TRDN: variants seen among roughly 807,000 people sequenced by gnomAD.
TRDN encodes the protein triadin in skeletal muscle.
A neutral mutation model predicts 149.7 loss-of-function variants in TRDN; 161 were observed. That is an observed-to-expected ratio of 1.08 (90% CI 0.95 to 1.23). The LOEUF is 1.23. TRDN is among the 50% of genes most tolerant of loss of function. TRDN has a pLI of 0.00. For missense variants in TRDN, 896 were observed against 823.5 expected (o/e 1.09, Z -1.08); for synonymous variants, 294 against 250.5 (o/e 1.17, Z -1.64).
chr6:123,247,122 T>A (rs1300736337), intron 38 of TRDN, among the ~76,000 whole-genome samples: 1 of 152,156 alleles, frequency 6.6e-6, no homozygotes, highest in Non-Finnish European at 1.5e-5. Flanking sequence ...AAGAGCTATT[T>A]ATGACAAACC....
intron 24 of TRDN, among the ~76,000 whole-genome samples, chr6:123,299,678 C>G (rs372777378): frequency 3.3e-5 from 5 of 151,808 alleles, no homozygotes; most frequent in African/African-American, 1.2e-4. Context: ...TCATGATAGA[C>G]TTGAGAAAAT....
At chr6:123,227,987 C>T (rs1318972196) in intron 38 of TRDN, among the ~76,000 whole-genome samples, 1 of 150,056 alleles carries the variant, frequency 6.7e-6, no homozygotes, top group African/African-American at 2.4e-5. Context: ...AAATTTATCC[C>T]ATGAATAGTA....
chr6:123,585,023 C>T (rs1199105604), intron 1 of TRDN, among the ~76,000 whole-genome samples: 1 of 151,662 alleles, frequency 6.6e-6, no homozygotes, highest in Non-Finnish European at 1.5e-5. Flanking sequence ...TCAAAGCATG[C>T]TGTGGGATGG....
At chr6:123,225,048 C>T (rs1401462393) in intron 38 of TRDN, among the ~76,000 whole-genome samples, 1 of 151,504 alleles carries the variant, frequency 6.6e-6, no homozygotes, top group African/African-American at 2.4e-5. Flanking sequence ...TGATACAACT[C>T]AATAACAAAA....
chr6:123,362,050 G>A (rs1484166398), intron 20 of TRDN, among the ~76,000 whole-genome samples: 1 of 151,984 alleles, frequency 6.6e-6, no homozygotes, highest in African/African-American at 2.4e-5. Flanking sequence ...AAAGTCTTTA[G>A]CTTTTCTTTT....
intron 2 of TRDN, among the ~76,000 whole-genome samples, chr6:123,567,798 C>T (rs1241557093): frequency 6.6e-6 from 1 of 152,112 alleles, no homozygotes; most frequent in Non-Finnish European, 1.5e-5. Context: ...CTGGGGATTA[C>T]AATTTGACAT....
chr6:123,353,457 T>C (rs960754753), intron 20 of TRDN, among the ~76,000 whole-genome samples: 4 of 151,902 alleles, frequency 2.6e-5, no homozygotes, highest in Non-Finnish European at 5.9e-5. Flanking sequence ...ATATACAGTA[T>C]CATCTCTAAA....
intron 5 of TRDN, among the ~76,000 whole-genome samples, chr6:123,522,440 G>T (rs927291248): frequency 6.6e-6 from 1 of 151,238 alleles, no homozygotes. Context: ...AACTACATGG[G>T]GGGGGAAAGC....
intron 8 of TRDN, chr6:123,502,353 T>C (rs1316356567): frequency 3.2e-5 from 24 of 738,682 alleles, no homozygotes; most frequent in Admixed American, 6.3e-5. Flanking sequence ...TTCATGGTGA[T>C]ATAATCACCT....
At chr6:123,359,558 C>T (rs1452235780) in intron 20 of TRDN, among the ~76,000 whole-genome samples, 7 of 151,932 alleles carry the variant, frequency 4.6e-5, no homozygotes, top group Non-Finnish European at 8.8e-5. Context: ...TGGTAGAAGA[C>T]AATGAAGGCT....
intron 9 of TRDN, among the ~76,000 whole-genome samples, chr6:123,472,795 G>A (rs919912271): frequency 1.2e-4 from 18 of 152,150 alleles, no homozygotes; most frequent in African/African-American, 3.6e-4. Flanking sequence ...CCTGACCCCC[G>A]AGCAGCCTAA....
chr6:123,489,175 A>G (rs1160971317), intron 9 of TRDN, among the ~76,000 whole-genome samples: 3 of 152,126 alleles, frequency 2.0e-5, no homozygotes, highest in African/African-American at 7.2e-5. Context: ...GGTCTTTCAC[A>G]CTACGAGTAC....
chr6:123,607,122 T>C (rs1239289418), intron 1 of TRDN, among the ~76,000 whole-genome samples: 1 of 152,208 alleles, frequency 6.6e-6, no homozygotes, highest in East Asian at 1.9e-4. Context: ...CTGAATTCAA[T>C]TACAGTACTG....
chr6:123,494,982 C>A (rs1455347986), intron 9 of TRDN, among the ~76,000 whole-genome samples: 1 of 151,964 alleles, frequency 6.6e-6, no homozygotes, highest in East Asian at 2.0e-4. Flanking sequence ...GATCCGCCCG[C>A]CTCAGCCTCC....
At chr6:123,454,731 T>C (rs1236559739) in intron 10 of TRDN, among the ~76,000 whole-genome samples, 2 of 152,208 alleles carry the variant, frequency 1.3e-5, no homozygotes, top group African/African-American at 4.8e-5. Context: ...TAGATTCTCA[T>C]AGGAGAGCAA....
intron 1 of TRDN, among the ~76,000 whole-genome samples, chr6:123,578,721 C>T (rs2317710): frequency 0.9 from 136,840 of 152,252 alleles, 61,664 homozygotes; most frequent in East Asian, 1. Context: ...AGAAACAGCA[C>T]TGAATCTATA....
intron 24 of TRDN, among the ~76,000 whole-genome samples, chr6:123,306,208 C>A (rs1261985430): frequency 2.0e-5 from 3 of 152,086 alleles, no homozygotes; most frequent in African/African-American, 4.8e-5. Flanking sequence ...ATGCTGGGAT[C>A]CAGCCAAATC....
intron 38 of TRDN, among the ~76,000 whole-genome samples, chr6:123,250,482 T>C (rs1776335376): frequency 6.6e-6 from 1 of 152,136 alleles, no homozygotes; most frequent in Admixed American, 6.6e-5. Context: ...ATATATATAG[T>C]ATGCTCTTCT....
At chr6:123,483,069 A>T (rs767115964) in intron 9 of TRDN, among the ~76,000 whole-genome samples, 174 of 15,518 alleles carry the variant, frequency 0.011, 1 homozygote, top group Admixed American at 0.021. Flanking sequence ...TTTCTCATTT[A>T]TTATTATTAT....
Sources: gnomAD v4.1 joint callset for allele counts (sites outside exome capture counted in the v4.1 genomes callset) on GRCh38, gnomAD v4.1.1 for gene constraint, MANE v1.5 for transcripts, NCBI Gene and HGNC (gene_info 2026-07-23, HGNC 2026-07-21) for gene names.